The following GNAO1 variants were observed in gnomAD, a reference collection of about 807,000 sequenced individuals.
GNAO1 encodes the protein G protein subunit alpha o1.
For missense variants in GNAO1, 166 were observed against 478.7 expected (o/e 0.35, Z 6.10); for synonymous variants, 164 against 180.7 (o/e 0.91, Z 0.74).
At chr16:56,306,821 T>G (rs1426963960) in intron 3 of GNAO1, 1 of 152,164 alleles carries the variant, frequency 6.6e-6, no homozygotes, top group Non-Finnish European at 1.5e-5. Context: ...AAACAGGACT[T>G]CAAAGGCACT....
In GNAO1 at chr16:56,275,940, T is replaced by C; in HGVS notation, c.171T>C (p.His57=). The C allele has an allele frequency of 1.2e-6, 2 of 1,613,304 alleles. No individual in the cohort carries two copies. The highest frequency in any genetic ancestry group is 1.7e-6 in the Non-Finnish European group (2 of 1,179,556). Residue 57 remains histidine, a synonymous_variant, in exon 3 of 9, where the codon CAT becomes CAC. Coordinates refer to ENST00000262493, the MANE Select transcript of GNAO1 (RefSeq NM_020988.3). ...STIVKQMKII[H]EDGFSGEDVK... ...TGTGGTTTTTCTCTAGGATCATCCATGAAGATGGCTTCTCCGGAGAAGACG... is the reference window on the plus strand; with the variant it reads ...TGTGGTTTTTCTCTAGGATCATCCACGAAGATGGCTTCTCCGGAGAAGACG...
intron 2 of GNAO1, among the ~76,000 whole-genome samples, chr16:56,247,359 A>C (rs1174092936): frequency 1.3e-5 from 2 of 152,126 alleles, no homozygotes; most frequent in Non-Finnish European, 2.9e-5. Flanking sequence ...GGTTTTCCCA[A>C]AGCTGTACCC....
At chr16:56,225,610 A>T (rs1355849312) in intron 2 of GNAO1, among the ~76,000 whole-genome samples, 1 of 152,150 alleles carries the variant, frequency 6.6e-6, no homozygotes, top group East Asian at 1.9e-4. Flanking sequence ...CTGCCTTCTA[A>T]TGGGAGGGTG....
chr16:56,297,279 G>A (rs1021973445), intron 3 of GNAO1, among the ~76,000 whole-genome samples: 2 of 151,960 alleles, frequency 1.3e-5, no homozygotes, highest in Non-Finnish European at 2.9e-5. Context: ...GAACACTCAC[G>A]CCCTGCCCTG....
intron 6 of GNAO1, chr16:56,344,031 G>C: frequency 1.3e-6 from 2 of 1,571,896 alleles, no homozygotes; most frequent in Middle Eastern, 1.8e-4. Context: ...ACCACTCTCA[G>C]ACCACTCTTT....
intron 3 of GNAO1, among the ~76,000 whole-genome samples, chr16:56,303,750 A>C (rs756697361): frequency 6.6e-6 from 1 of 152,232 alleles, no homozygotes; most frequent in Non-Finnish European, 1.5e-5. Context: ...TGTCCCCGGC[A>C]GTCACTGTAT....
chr16:56,194,231 C>G (rs2036209924), intron 2 of GNAO1: 1 of 456,498 alleles, frequency 2.2e-6, no homozygotes, highest in South Asian at 1.5e-5. Flanking sequence ...GGTAATTTAG[C>G]TTGGGGCTTC....
intron 6 of GNAO1, chr16:56,343,786 G>A (rs539641021): frequency 1.6e-5 from 26 of 1,613,464 alleles, no homozygotes; most frequent in South Asian, 1.5e-4. Context: ...CACAGAAGCC[G>A]TGGCTTACAT....
intron 3 of GNAO1, 79 bp from the exon 4 acceptor site, chr16:56,328,552 C>A (rs994556163): frequency 8.2e-6 from 12 of 1,456,434 alleles, no homozygotes; most frequent in Non-Finnish European, 1.0e-5. Flanking sequence ...ACAGTCCCCG[C>A]TAGGGGAGAG....
chr16:56,228,585 A>G (rs2036556867), intron 2 of GNAO1, among the ~76,000 whole-genome samples: 1 of 152,176 alleles, frequency 6.6e-6, no homozygotes, highest in Non-Finnish European at 1.5e-5. Context: ...ATCCTGACTC[A>G]CACCTTGAGC....
In GNAO1 at chr16:56,344,378, C is replaced by T. The variant is rs575842039; in HGVS notation, c.724-7006C>T. 2.6e-4 allele frequency: 263 copies of T among 1,022,404 alleles called. 5 individuals are homozygous for T. In the South Asian group the frequency reaches 1.0e-2, roughly 39 times the overall value. 63.3% of individuals were successfully genotyped at this position (1,022,404 alleles called of 1,614,324 possible). A position where few individuals can be genotyped will look rare whatever the true frequency, so the allele number is the denominator to read the frequency against. ...GCAGGGTGGGGTCATAGGAGCCATC[C>T]TTCAGCTTTGCCTGGGGTCTCTGGT... On this transcript the variant is annotated intron_variant, in intron 6 of 8. Coordinates refer to ENST00000262493, the MANE Select transcript of GNAO1 (RefSeq NM_020988.3).
chr16:56,277,206 G>A (rs1405944469), intron 3 of GNAO1, among the ~76,000 whole-genome samples: 1 of 152,228 alleles, frequency 6.6e-6, no homozygotes, highest in Non-Finnish European at 1.5e-5. Context: ...CTGCGGTGGA[G>A]AAGCTGGGCA....
chr16:56,191,985 C>G lies in GNAO1; in HGVS notation c.-251C>G. The G allele has an allele frequency of 1.9e-6, 1 of 538,686 alleles. No homozygotes were observed. The highest frequency in any genetic ancestry group is 3.3e-6 in the Non-Finnish European group (1 of 305,186). 33.4% of individuals were successfully genotyped at this position (538,686 alleles called of 1,614,324 possible). On this transcript the variant is annotated 5_prime_UTR_variant, in exon 1 of 9. Coordinates refer to ENST00000262493, the MANE Select transcript of GNAO1 (RefSeq NM_020988.3). This position sits in a 1 kb window ranked among gnomAD's most constrained non-coding sequence, Gnocchi z 4.7. ...CCTCCCTTGGCTCCGGAGCCCCAGA[C>G]CCCGGCCACCCTCGATTCGACAACC... is the stretch of plus-strand genomic sequence containing the variant.
intron 3 of GNAO1, chr16:56,301,665 C>T (rs1291941362): frequency 6.6e-6 from 1 of 151,982 alleles, no homozygotes; most frequent in East Asian, 1.9e-4. Flanking sequence ...TTACCAAAAC[C>T]CTGACGTGTG....
At chr16:56,344,643 A>T in intron 6 of GNAO1, 4 of 985,398 alleles carry the variant, frequency 4.1e-6, no homozygotes, top group Non-Finnish European at 4.8e-6. Context: ...GGTGGCGTGG[A>T]GCGGGGGGAG....
intron 3 of GNAO1, among the ~76,000 whole-genome samples, chr16:56,301,507 G>A (rs1206193844): frequency 6.6e-6 from 1 of 152,204 alleles, no homozygotes; most frequent in Admixed American, 6.5e-5. Context: ...GCTGCAAGAA[G>A]GGCTTTCTCT....
chr16:56,354,985 C>G lies in GNAO1; in HGVS notation c.997C>G (p.Gln333Glu). The G allele has an allele frequency of 6.2e-7, 1 of 1,613,288 alleles. No individual in the cohort carries two copies. Among genetic ancestry groups the G allele is most frequent in the East Asian group, 2.2e-5 (1 of 44,850 alleles). ...TTGTGCCACAGACACGAATAACATCCAGGTGGTGTTCGACGCCGTCACCGA... is the reference window on the plus strand; with the variant it reads ...TTGTGCCACAGACACGAATAACATCGAGGTGGTGTTCGACGCCGTCACCGA... ...MTCATDTNNIQVVFDAVTDII... is the reference protein window; with the variant it reads ...MTCATDTNNIEVVFDAVTDII... Residue 333 changes from glutamine to glutamate, a missense_variant, in exon 8 of 9, where the codon CAG (glutamine) becomes GAG (glutamate). Transcript: ENST00000262493. The surrounding 1 kb of genome is among the most constrained non-coding windows in gnomAD (Gnocchi z 4.3).
At chr16:56,275,046 G>T (rs1009102165) in intron 2 of GNAO1, among the ~76,000 whole-genome samples, 1 of 152,224 alleles carries the variant, frequency 6.6e-6, no homozygotes, top group Admixed American at 6.5e-5. Context: ...TTATTATATT[G>T]GTGCGTGAAC....
At chr16:56,348,078 T>C (rs2037890053) in intron 6 of GNAO1, 2 of 965,938 alleles carry the variant, frequency 2.1e-6, no homozygotes, top group Non-Finnish European at 2.5e-6. Flanking sequence ...CCATATTAAC[T>C]GTAATTTTGT....
Sources: gnomAD v4.1 joint callset for allele counts (sites outside exome capture counted in the v4.1 genomes callset) on GRCh38, gnomAD v4.1.1 for gene constraint, Gnocchi (gnomAD v3.1) non-coding constraint, MANE v1.5 for transcripts, NCBI Gene and HGNC (gene_info 2026-07-23, HGNC 2026-07-21) for gene names.